Variants in MDGA2 observed in about 807,000 individuals in gnomAD.
MDGA2 encodes MAM domain-containing glycosylphosphatidylinositol anchor protein 2.
In MDGA2, 40 loss-of-function variants were observed where a neutral mutation model predicts 117.8. That is an observed-to-expected ratio of 0.34 (90% CI 0.26 to 0.44). The LOEUF (loss-of-function observed/expected upper bound fraction) is 0.44. MDGA2 is among the 20% of genes least tolerant of loss of function. MDGA2 has a pLI of 1.00. For missense variants in MDGA2, 1,123 were observed against 1,250.6 expected (o/e 0.90, Z 1.54); for synonymous variants, 452 against 439.0 (o/e 1.03, Z -0.37).
At chr14:46,992,734 A>G in intron 8 of MDGA2, among the ~76,000 whole-genome samples, 1 of 152,156 alleles carries the variant, frequency 6.6e-6, no homozygotes, top group East Asian at 1.9e-4. Context: ...CTCCTATAAA[A>G]TGAGCACAGC....
intron 8 of MDGA2, among the ~76,000 whole-genome samples, chr14:46,975,912 C>G (rs1480567121): frequency 6.6e-6 from 1 of 152,072 alleles, no homozygotes; most frequent in South Asian, 2.1e-4. Context: ...CTCTTTTATA[C>G]AGGCACTAAT....
intron 1 of MDGA2, among the ~76,000 whole-genome samples, chr14:47,304,656 A>T (rs1889385250): frequency 6.6e-6 from 1 of 152,094 alleles, no homozygotes; most frequent in Non-Finnish European, 1.5e-5. Flanking sequence ...TATTTACATT[A>T]TGTTGTTTCT....
At chr14:47,650,667 C>T (rs1404307921) in intron 1 of MDGA2, among the ~76,000 whole-genome samples, 1 of 152,038 alleles carries the variant, frequency 6.6e-6, no homozygotes, top group Non-Finnish European at 1.5e-5. Context: ...CCACCTGCAA[C>T]CTTGAACTGG....
At chr14:47,614,811 T>C (rs1250929743) in intron 1 of MDGA2, among the ~76,000 whole-genome samples, 1 of 152,238 alleles carries the variant, frequency 6.6e-6, no homozygotes, top group Non-Finnish European at 1.5e-5. Flanking sequence ...AGTAATTACA[T>C]AATTTCTCTA....
intron 5 of MDGA2, among the ~76,000 whole-genome samples, chr14:47,126,574 C>T (rs1881915359): frequency 6.6e-6 from 1 of 152,052 alleles, no homozygotes; most frequent in Admixed American, 6.6e-5. Context: ...GAAACCACAT[C>T]ACTGGAATTC....
At chr14:47,102,507 C>G (rs1880396526) in intron 5 of MDGA2, among the ~76,000 whole-genome samples, 1 of 151,972 alleles carries the variant, frequency 6.6e-6, no homozygotes, top group South Asian at 2.1e-4. Context: ...GGTCCTGGCA[C>G]AGCAGTTGAT....
chr14:47,306,219 G>A (rs1889439679), intron 1 of MDGA2: 1 of 152,126 alleles, frequency 6.6e-6, no homozygotes, highest in African/African-American at 2.4e-5. Flanking sequence ...TGAATCTGAG[G>A]GTGAGGGAAA....
chr14:46,917,902 A>C (rs1159660810), intron 10 of MDGA2, among the ~76,000 whole-genome samples: 1 of 152,200 alleles, frequency 6.6e-6, no homozygotes, highest in African/African-American at 2.4e-5. Flanking sequence ...AGAAGGCTTA[A>C]ATGACGGGAT....
Position 47,600,425 on chromosome 14 carries a change from T to A in MDGA2, c.280+74092A>T, listed in dbSNP as rs556789611. On this transcript the variant is annotated intron_variant, in intron 1 of 16. Coordinates refer to ENST00000399232, the MANE Select transcript of MDGA2 (RefSeq NM_001113498.3). ...CTCCAGCTCGGATGACAGAGCAAGA[T>A]ATTGTCTCAAAAAAAATTTTAAAAA... 2.6e-5 allele frequency among the ~76,000 whole-genome samples: 4 copies of A among 152,066 alleles called. No individual in the cohort carries two copies. The East Asian group carries it at 5.8e-4, about 22-fold the overall frequency.
chr14:47,666,761 C>A (rs868768899), intron 1 of MDGA2, among the ~76,000 whole-genome samples: 1 of 152,156 alleles, frequency 6.6e-6, no homozygotes, highest in Admixed American at 6.5e-5. Context: ...TGCAATAAAT[C>A]TTGCTGTTGC....
At chr14:46,896,863 C>T (rs1883095983) in intron 10 of MDGA2, among the ~76,000 whole-genome samples, 1 of 152,126 alleles carries the variant, frequency 6.6e-6, no homozygotes, top group South Asian at 2.1e-4. Flanking sequence ...TTTAGCAGTG[C>T]TGTATTTCTG....
chr14:46,952,667 T>C (rs12589678), intron 9 of MDGA2, among the ~76,000 whole-genome samples: 17,842 of 151,836 alleles, frequency 0.12, 1,976 homozygotes, highest in African/African-American at 0.27. Flanking sequence ...TAAAGTCATA[T>C]ACAAAAGTCA....
At chr14:47,458,943 G>C (rs1267160563) in intron 1 of MDGA2, among the ~76,000 whole-genome samples, 2 of 149,922 alleles carry the variant, frequency 1.3e-5, no homozygotes, top group Non-Finnish European at 3.0e-5. Context: ...ATCTAGTATG[G>C]TTCTGTGGGA....
intron 1 of MDGA2, among the ~76,000 whole-genome samples, chr14:47,603,880 G>A (rs2138885404): frequency 6.6e-6 from 1 of 152,246 alleles, no homozygotes; most frequent in Non-Finnish European, 1.5e-5. Context: ...AGATCTGGTT[G>A]TTTAGAAGTG....
intron 9 of MDGA2, among the ~76,000 whole-genome samples, chr14:46,930,081 T>C (rs1244889385): frequency 6.7e-6 from 1 of 150,188 alleles, no homozygotes; most frequent in Non-Finnish European, 1.5e-5. Context: ...AACTGAAAAC[T>C]ATTTATTTCA....
chr14:47,609,153 C>A (rs1190870069), intron 1 of MDGA2, among the ~76,000 whole-genome samples: 1 of 150,998 alleles, frequency 6.6e-6, no homozygotes, highest in Non-Finnish European at 1.5e-5. Flanking sequence ...TTTTGGAGCA[C>A]CCATCACCCA....
chr14:47,252,984 G>T (rs1453957159), intron 2 of MDGA2, among the ~76,000 whole-genome samples: 1 of 151,922 alleles, frequency 6.6e-6, no homozygotes, highest in Admixed American at 6.6e-5. Context: ...AAGAATGAGA[G>T]CCGAGCAAAA....
At chr14:47,642,565 T>C (rs934471810) in intron 1 of MDGA2, among the ~76,000 whole-genome samples, 1 of 152,070 alleles carries the variant, frequency 6.6e-6, no homozygotes, top group African/African-American at 2.4e-5. Context: ...CACTGCTTCA[T>C]ATCCTACCAA....
intron 2 of MDGA2, among the ~76,000 whole-genome samples, chr14:47,296,675 T>C (rs1431261858): frequency 1.3e-5 from 2 of 152,200 alleles, no homozygotes; most frequent in Non-Finnish European, 1.5e-5. Context: ...CCTTTCAACT[T>C]TGGCTAAATA....
Sources: gnomAD v4.1 joint callset for allele counts (sites outside exome capture counted in the v4.1 genomes callset) on GRCh38, gnomAD v4.1.1 for gene constraint, MANE v1.5 for transcripts, NCBI Gene and HGNC (gene_info 2026-07-23, HGNC 2026-07-21) for gene names.